The following MAPKAPK5 variants were observed in gnomAD, a reference collection of about 807,000 sequenced individuals.
The protein encoded by MAPKAPK5 is MAPK activated protein kinase 5.
MAPKAPK5 carries 30 observed loss-of-function variants against 65.1 expected under a neutral mutation model. That is an observed-to-expected ratio of 0.46 (90% CI 0.34 to 0.63). The LOEUF is 0.63. Ranked by LOEUF, MAPKAPK5 falls within the 20% of genes least tolerant of loss-of-function variation. The pLI, the probability that MAPKAPK5 is intolerant of heterozygous loss-of-function variation, is 0.01. For missense variants in MAPKAPK5, 433 were observed against 581.4 expected (o/e 0.74, Z 2.63); for synonymous variants, 179 against 204.6 (o/e 0.87, Z 1.07).
chr12:111,844,073 T>C (rs1367394482), intron 1 of MAPKAPK5, among the ~76,000 whole-genome samples: 1 of 151,158 alleles, frequency 6.6e-6, no homozygotes, highest in East Asian at 2.0e-4. Flanking sequence ...CTGCCCGCCT[T>C]GGCCTCCCAA....
chr12:111,887,874 G>C (rs976492452), intron 10 of MAPKAPK5: 1 of 149,600 alleles, frequency 6.7e-6, no homozygotes, highest in Non-Finnish European at 1.5e-5. Context: ...TTCTTTTAAA[G>C]TACAAAAATG....
At chr12:111,852,965 G>A (rs909908025) in intron 1 of MAPKAPK5, among the ~76,000 whole-genome samples, 1 of 151,986 alleles carries the variant, frequency 6.6e-6, no homozygotes, top group African/African-American at 2.4e-5. Flanking sequence ...ATAGAGACAG[G>A]GTTTCACCAT....
In MAPKAPK5 at chr12:111,896,783, TCTGA is replaced by T. The variant is rs1465039824; in HGVS notation, c.*3725_*3728del. 1 of 152,196 alleles carries T rather than the reference TCTGA, an allele frequency of 6.6e-6. No individual in the cohort carries two copies. Among genetic ancestry groups the T allele is most frequent in the Non-Finnish European group, 1.5e-5 (1 of 68,032 alleles). 9.4% of individuals were successfully genotyped at this position (152,196 alleles called of 1,614,324 possible). On this transcript the variant is annotated 3_prime_UTR_variant, in exon 14 of 14. Transcript: ENST00000550735. ...GATGTAGTAAAAAAACTTGTCTCTC[TCTGA>T]CTAATATGTATGAATATAGGAGAAT...
intron 7 of MAPKAPK5, among the ~76,000 whole-genome samples, chr12:111,877,305 C>T (rs978825296): frequency 2.1e-4 from 32 of 152,078 alleles, no homozygotes; most frequent in African/African-American, 7.5e-4. Flanking sequence ...AGGTGTGAGC[C>T]ACCATGCCCA....
intron 8 of MAPKAPK5, among the ~76,000 whole-genome samples, chr12:111,881,603 A>C (rs2070232682): frequency 6.9e-6 from 1 of 145,158 alleles, no homozygotes; most frequent in Non-Finnish European, 1.5e-5. Flanking sequence ...ATGAGGATTC[A>C]CCATGTTGGC....
chr12:111,872,040 A>C (rs544251757), intron 7 of MAPKAPK5, among the ~76,000 whole-genome samples: 25 of 152,150 alleles, frequency 1.6e-4, no homozygotes, highest in Admixed American at 3.9e-4. Flanking sequence ...GCCAAGTAGT[A>C]TTTCATTATA....
intron 1 of MAPKAPK5, among the ~76,000 whole-genome samples, chr12:111,862,050 C>T (rs1242042505): frequency 1.3e-5 from 2 of 148,288 alleles, no homozygotes; most frequent in South Asian, 2.1e-4. Context: ...TAATTTCCTT[C>T]AGTAGAAGTG....
chr12:111,885,723 CA>C lies in MAPKAPK5; in HGVS notation c.849-190del, dbSNP rs2070378336. Reference sequence around the variant, plus strand: ...TTTTAATCTCACTTTTTCCAGTATACAAAGGACTGCCTCAAGCCATAGTACC... The same window carrying C: ...TTTTAATCTCACTTTTTCCAGTATACAAGGACTGCCTCAAGCCATAGTACC... On this transcript the variant is annotated intron_variant, in intron 9 of 13. Transcript: ENST00000550735. The C allele has an allele frequency of 4.8e-5, 28 of 589,082 alleles. No homozygotes were observed. In the South Asian group the frequency reaches 6.6e-4, roughly 14 times the overall value. The allele number at this position is 589,082 out of a possible 1,614,324, so 36.5% of individuals were successfully genotyped here. A position where few individuals can be genotyped will look rare whatever the true frequency, so the allele number is the denominator to read the frequency against.
chr12:111,846,521 G>A (rs2068910985), intron 1 of MAPKAPK5, among the ~76,000 whole-genome samples: 1 of 146,122 alleles, frequency 6.8e-6, no homozygotes, highest in African/African-American at 2.5e-5. Context: ...TTTTTGAGAC[G>A]GTCTTGCTCT....
In MAPKAPK5 at chr12:111,870,363, G is replaced by T; in HGVS notation, c.483+3G>T. The stretch of plus-strand genomic sequence containing the variant: ...TGCTTTTTAAGGATAACTCTTTGGT[G>T]AGAAGACTGTTTTTCTGCATTTTAG... On this transcript the variant is annotated splice_donor_region_variant and intron_variant, in intron 6 of 13. Coordinates refer to ENST00000550735, the MANE Select transcript of MAPKAPK5 (RefSeq NM_003668.4). 6.2e-7 allele frequency: 1 copy of T among 1,605,288 alleles called. No individual in the cohort carries two copies. The highest frequency in any genetic ancestry group is 1.1e-5 in the South Asian group (1 of 90,466).
chr12:111,858,527 C>G (rs2069320969), intron 1 of MAPKAPK5, among the ~76,000 whole-genome samples: 1 of 146,522 alleles, frequency 6.8e-6, no homozygotes, highest in Non-Finnish European at 1.5e-5. Context: ...ACCTGAAAAT[C>G]TGTTGAGCAC....
Position 111,897,744 on chromosome 12 carries a change from A to G in MAPKAPK5, c.*4683A>G, listed in dbSNP as rs1050635023. 2.0e-5 allele frequency: 3 copies of G among 152,194 alleles called. No homozygotes were observed. Among genetic ancestry groups the G allele is most frequent in the African/African-American group, 7.2e-5 (3 of 41,444 alleles). 9.4% of individuals were successfully genotyped at this position (152,194 alleles called of 1,614,324 possible). A position where few individuals can be genotyped will look rare whatever the true frequency, so the allele number is the denominator to read the frequency against. On this transcript the variant is annotated 3_prime_UTR_variant, in exon 14 of 14. Coordinates refer to ENST00000550735, the MANE Select transcript of MAPKAPK5 (RefSeq NM_003668.4). ...ATACATTGTATTATCTGTATTAGGA[A>G]TTAAATATTTAATAGGAATAGTGAA...
At chr12:111,848,722 G>A (rs765575131) in intron 1 of MAPKAPK5, among the ~76,000 whole-genome samples, 6 of 151,286 alleles carry the variant, frequency 4.0e-5, no homozygotes, top group African/African-American at 1.5e-4. Context: ...CTTTTTGCCC[G>A]TTTTAGAATT....
At chr12:111,892,942 G>A (rs931937422) in intron 13 of MAPKAPK5, 25 bp from the exon 14 acceptor site, 18 of 1,525,354 alleles carry the variant, frequency 1.2e-5, no homozygotes, top group Admixed American at 5.9e-5. Context: ...TTTGAGGACT[G>A]ACCTTGTTCT....
chr12:111,900,971 T>C lies in MAPKAPK5; in HGVS notation c.*7910T>C, dbSNP rs2071030093. On this transcript the variant is annotated 3_prime_UTR_variant, in exon 14 of 14. Coordinates refer to ENST00000550735, the MANE Select transcript of MAPKAPK5 (RefSeq NM_003668.4). Reference sequence around the variant, plus strand: ...GCAAAGGGGACCAATTTGGAAACTGTGGCATTTCTACCAGTCCTGGGTCAC... The same window carrying C: ...GCAAAGGGGACCAATTTGGAAACTGCGGCATTTCTACCAGTCCTGGGTCAC... The C allele has an allele frequency of 1.5e-5, 7 of 455,924 alleles. No homozygotes were observed. Among genetic ancestry groups the C allele is most frequent in the Admixed American group, 1.4e-4 (6 of 42,546 alleles). 28.2% of individuals were successfully genotyped at this position (455,924 alleles called of 1,614,324 possible). A position where few individuals can be genotyped will look rare whatever the true frequency, so the allele number is the denominator to read the frequency against.
intron 8 of MAPKAPK5, among the ~76,000 whole-genome samples, chr12:111,882,515 A>T (rs1349063342): frequency 6.6e-6 from 1 of 152,116 alleles, no homozygotes; most frequent in Admixed American, 6.6e-5. Flanking sequence ...TTAGGCAGGC[A>T]CCTCTTTTAT....
intron 1 of MAPKAPK5, among the ~76,000 whole-genome samples, chr12:111,861,048 A>G (rs2069419929): frequency 6.6e-6 from 1 of 151,642 alleles, no homozygotes; most frequent in Non-Finnish European, 1.5e-5. Context: ...AATACCAGCT[A>G]CTCAGGAGGC....
At chr12:111,866,057 T>C (rs2069597059) in intron 2 of MAPKAPK5, 99 bp from the exon 3 acceptor site, 1 of 964,312 alleles carries the variant, frequency 1.0e-6, no homozygotes, top group African/African-American at 1.6e-5. Context: ...CCTGGCCATA[T>C]CCTTGATGAG....
At chr12:111,891,675 C>T (rs1160531360) in intron 13 of MAPKAPK5, among the ~76,000 whole-genome samples, 1 of 149,256 alleles carries the variant, frequency 6.7e-6, no homozygotes, top group Non-Finnish European at 1.5e-5. Context: ...GGCATGGTGG[C>T]ATGCGCCTGT....
Sources: allele counts gnomAD v4.1 joint callset (sites outside exome capture counted in the v4.1 genomes callset), GRCh38; gene constraint gnomAD v4.1.1; transcripts MANE v1.5; gene names NCBI Gene and HGNC (gene_info 2026-07-23, HGNC 2026-07-21).